The following COQ7 variants were observed in gnomAD, a reference collection of about 807,000 sequenced individuals.
The protein encoded by COQ7 is coenzyme Q7, hydroxylase.
COQ7 carries 21 observed loss-of-function variants against 25.0 expected under a neutral mutation model. The ratio of observed to expected loss-of-function variants is 0.84; its 90% confidence interval spans 0.60 to 1.21. COQ7 has a LOEUF of 1.21. Ranked by LOEUF, COQ7 falls within the 50% of genes most tolerant of loss-of-function variation. COQ7 has a pLI of 0.00. For synonymous variants in COQ7, 125 were observed against 112.4 expected, an observed-to-expected ratio of 1.11 and a Z score of -0.71; for missense variants, 311 against 296.2, an observed-to-expected ratio of 1.05 and a Z score of -0.37.
intron 1 of COQ7, chr16:19,068,654 CCG>C (rs1962373012): frequency 4.8e-6 from 1 of 208,684 alleles, no homozygotes; most frequent in Non-Finnish European, 9.1e-6. Context: ...TTTGTCTCCC[CCG>C]CGCAAAAAAA....
chr16:19,080,742 C>T (rs1199952504), downstream of COQ7, among the ~76,000 whole-genome samples: 1 of 151,932 alleles, frequency 6.6e-6, no homozygotes, highest in African/African-American at 2.4e-5. Flanking sequence ...TATATGATAT[C>T]AATTATAATT....
At chr16:19,073,788 C>T (rs554729542) in intron 2 of COQ7, 133 bp from the exon 3 acceptor site, 44 of 626,988 alleles carry the variant, frequency 7.0e-5, no homozygotes, top group South Asian at 2.7e-4. Flanking sequence ...TTTCCATTGA[C>T]GTTTTGAGGG....
intron 5 of COQ7, 103 bp downstream of exon 5, chr16:19,077,477 C>A: frequency 2.2e-6 from 2 of 918,614 alleles, no homozygotes; most frequent in South Asian, 1.6e-5. Flanking sequence ...AAAGTGACAG[C>A]GAAAGGGAGA....
chr16:19,069,739 G>C (rs1207915992), intron 1 of COQ7, among the ~76,000 whole-genome samples: 2 of 151,278 alleles, frequency 1.3e-5, no homozygotes, highest in African/African-American at 2.4e-5. Context: ...TGTCGATCCT[G>C]ATTTTCCCAA....
chr16:19,068,721 C>A, intron 1 of COQ7: 1 of 247,328 alleles, frequency 4.0e-6, no homozygotes, highest in Non-Finnish European at 8.4e-6. Flanking sequence ...TTACCGTGTA[C>A]CACTTTCGGG....
At chr16:19,071,722 A>T in intron 1 of COQ7, 1 of 584,590 alleles carries the variant, frequency 1.7e-6, no homozygotes, top group Non-Finnish European at 3.0e-6. Flanking sequence ...AGATCTTCAT[A>T]CACTTAAAGT....
chr16:19,069,278 A>G (rs565143654), intron 1 of COQ7, among the ~76,000 whole-genome samples: 2 of 152,244 alleles, frequency 1.3e-5, no homozygotes, highest in Non-Finnish European at 2.9e-5. Context: ...GCCAGTGAGC[A>G]TAACAGAATA....
rs773440111 is a variant in COQ7, at chr16:19,067,658, TC to T, written c.-5del. 9.9e-6 allele frequency: 16 copies of T among 1,613,458 alleles called. 1 individual carries two copies. The South Asian group carries it at 1.6e-4, about 17-fold the overall frequency. ...CAACGAAGTGGTTGCTTTTTTTAGT[TC>T]CGGCAATGAGTTGCGCCGGGGCGGC... On this transcript the variant is annotated 5_prime_UTR_variant, in exon 1 of 6. Coordinates refer to ENST00000321998, the MANE Select transcript of COQ7 (RefSeq NM_016138.5).
At chr16:19,072,909 G>T (rs551504742) in intron 2 of COQ7, among the ~76,000 whole-genome samples, 1 of 152,148 alleles carries the variant, frequency 6.6e-6, no homozygotes, top group Non-Finnish European at 1.5e-5. Flanking sequence ...GGTGGCTCAC[G>T]CCTGTAATCC....
At chr16:19,082,378 C>G (rs149119085), downstream of COQ7, among the ~76,000 whole-genome samples, 6 of 152,240 alleles carry the variant, frequency 3.9e-5, no homozygotes, top group Middle Eastern at 3.4e-3. Flanking sequence ...TGCCTGTCAT[C>G]TCAGCACTTT....
rs1310139126 is a variant in COQ7, at chr16:19,068,771, C to G, written c.73+1034C>G. 4 of 366,258 alleles carry G rather than the reference C, an allele frequency of 1.1e-5. 1 individual carries two copies. Among genetic ancestry groups the G allele is most frequent in the Non-Finnish European group, 2.2e-5 (4 of 182,222 alleles). 22.7% of individuals were successfully genotyped at this position (366,258 alleles called of 1,614,324 possible). ...GCAGTACTGCTTGAACTTTTGATTA[C>G]TAGATGTGTTTTTTTGTATAGCTAT... On this transcript the variant is annotated intron_variant, in intron 1 of 5. Coordinates refer to ENST00000321998, the MANE Select transcript of COQ7 (RefSeq NM_016138.5).
In COQ7 at chr16:19,067,681, C is replaced by A. The variant is rs763059042; in HGVS notation, c.17C>A (p.Ala6Glu). 4.3e-6 allele frequency: 7 copies of A among 1,610,348 alleles called. No homozygotes were observed. Among genetic ancestry groups the A allele is most frequent in the Non-Finnish European group, 5.9e-6 (7 of 1,178,476 alleles). ...GTTCCGGCAATGAGTTGCGCCGGGG[C>A]GGCGGCGGCTCCCCGCCTTTGGCGG... Reference protein sequence around the residue: MSCAGAAAAPRLWRLR... With the variant: MSCAGEAAAPRLWRLR... Residue 6 changes from alanine to glutamate, a missense_variant, in exon 1 of 6, where the codon GCG becomes GAG. Ala to Glu is a moderately radical substitution (Grantham distance 107). Coordinates refer to ENST00000321998, the MANE Select transcript of COQ7 (RefSeq NM_016138.5).
intron 1 of COQ7, 60 bp downstream of exon 1, chr16:19,067,797 T>A (rs951741463): frequency 1.9e-6 from 3 of 1,574,318 alleles, no homozygotes; most frequent in Non-Finnish European, 2.6e-6. Flanking sequence ...GAATTTTCGC[T>A]TGAGGTTTGG....
Position 19,067,627 on chromosome 16 carries a change from T to A in COQ7, c.-38T>A, listed in dbSNP as rs559473376. The A allele has an allele frequency of 6.2e-7, 1 of 1,613,058 alleles. No individual in the cohort carries two copies. The highest frequency in any genetic ancestry group is 8.5e-7 in the Non-Finnish European group (1 of 1,179,210). On this transcript the variant is annotated 5_prime_UTR_variant, in exon 1 of 6. Transcript: ENST00000321998. The stretch of plus-strand genomic sequence containing the variant: ...CGAGCCAAGGGCACTATTGGCCAGT[T>A]CCGTTCAACGAAGTGGTTGCTTTTT...
At chr16:19,074,541 A>G (rs1962734349) in intron 3 of COQ7, among the ~76,000 whole-genome samples, 1 of 151,798 alleles carries the variant, frequency 6.6e-6, no homozygotes, top group South Asian at 2.1e-4. Context: ...AAACCAAAAC[A>G]AAACAAAAAA....
chr16:19,080,559 T>G (rs916101091), downstream of COQ7, among the ~76,000 whole-genome samples: 1 of 152,122 alleles, frequency 6.6e-6, no homozygotes, highest in Non-Finnish European at 1.5e-5. Flanking sequence ...GACCCCTAAC[T>G]TTTGGATGCC....
chr16:19,077,407 G>A, intron 5 of COQ7, 33 bp downstream of exon 5: 3 of 1,591,562 alleles, frequency 1.9e-6, no homozygotes, highest in East Asian at 2.2e-5. Flanking sequence ...TCTGCTTTGG[G>A]ACTCCTTATT....
rs1555522100 is a variant in COQ7 at position 19,073,324 on chromosome 16, A to ACAAAAAAAC, written c.253-596_253-595insAAAAAAACC. On this transcript the variant is annotated intron_variant, in intron 2 of 5. Coordinates refer to ENST00000321998, the MANE Select transcript of COQ7 (RefSeq NM_016138.5). ...ACTCCGTCTCAAAAAAACAAAAAAA[A>ACAAAAAAAC]CCGCACACACACCACAAAATTAGCC... is the stretch of plus-strand genomic sequence containing the variant. Among the ~76,000 whole-genome samples the ACAAAAAAAC allele has an allele frequency of 4.1e-4, 59 of 145,202 alleles. No individual in the cohort carries two copies. In the East Asian group the frequency reaches 0.011, roughly 26 times the overall value.
chr16:19,075,742 G>T lies in COQ7; in HGVS notation c.389G>T (p.Gly130Val). Residue 130 changes from glycine to valine, a missense_variant, in exon 4 of 6, where the codon GGG becomes GTG. Transcript: ENST00000321998. ...FALGAGTALL[G>V]KEGAMACTVA... ...CCAGGGGCGGGGACCGCCTTGCTCG[G>T]GAAGGAAGGTGCCATGGCCTGCACC... 6.3e-7 allele frequency: 1 copy of T among 1,591,184 alleles called. No homozygotes were observed. Among genetic ancestry groups the T allele is most frequent in the East Asian group, 2.2e-5 (1 of 44,450 alleles).
Sources: gnomAD v4.1 joint callset for allele counts (sites outside exome capture counted in the v4.1 genomes callset) on GRCh38, gnomAD v4.1.1 for gene constraint, MANE v1.5 for transcripts, NCBI Gene and HGNC (gene_info 2026-07-23, HGNC 2026-07-21) for gene names.